Variants in TENM3 observed in about 807,000 individuals in gnomAD.
TENM3 encodes the protein teneurin transmembrane protein 3.
Under a neutral mutation model 255.1 loss-of-function variants are expected in TENM3, and 63 were observed. The observed-to-expected ratio is 0.25, with a 90% CI of 0.20 to 0.30. The LOEUF is 0.30. Ranked by LOEUF, TENM3 falls within the 10% of genes least tolerant of loss-of-function variation. The pLI is 1.00. For missense variants in TENM3, 2,929 were observed against 3,461.1 expected (o/e 0.85, Z 3.86); for synonymous variants, 1,306 against 1,322.3 (o/e 0.99, Z 0.27).
intron 5 of TENM3, among the ~76,000 whole-genome samples, chr4:182,651,508 C>T (rs1753285217): frequency 1.3e-5 from 2 of 151,834 alleles, no homozygotes. Flanking sequence ...CTGGGCAGAA[C>T]GGTGAAACCC....
intron 22 of TENM3, among the ~76,000 whole-genome samples, chr4:182,766,482 C>T (rs541585743): frequency 6.6e-6 from 1 of 152,298 alleles, no homozygotes; most frequent in East Asian, 1.9e-4. Context: ...AATGCCCTGA[C>T]TTGGATGGCT....
the TENM3 span, among the ~76,000 whole-genome samples, chr4:181,887,209 G>C: frequency 6.6e-6 from 1 of 151,568 alleles, no homozygotes; most frequent in Non-Finnish European, 1.5e-5. Flanking sequence ...GTTACTGGTC[G>C]GGTCTTCCCA....
At chr4:181,844,454 G>A in the TENM3 span, among the ~76,000 whole-genome samples, 68 of 152,160 alleles carry the variant, frequency 4.5e-4, 1 homozygote, top group African/African-American at 1.6e-3. Flanking sequence ...GGATCACGAG[G>A]TCAGGAGATC....
the TENM3 span, among the ~76,000 whole-genome samples, chr4:181,721,119 A>G: frequency 1.3e-5 from 2 of 151,862 alleles, no homozygotes; most frequent in Non-Finnish European, 2.9e-5. Flanking sequence ...AAAAAAAAAA[A>G]GGGTCATTCC....
At chr4:181,654,023 G>A in the TENM3 span, among the ~76,000 whole-genome samples, 3 of 151,868 alleles carry the variant, frequency 2.0e-5, no homozygotes, top group East Asian at 5.8e-4. Flanking sequence ...GGCAAACTGA[G>A]TAGCATCTTT....
chr4:182,099,981 C>G, the TENM3 span, among the ~76,000 whole-genome samples: 1 of 152,236 alleles, frequency 6.6e-6, no homozygotes, highest in Admixed American at 6.5e-5. Context: ...TCCCGCAAGA[C>G]TTGATCCACA....
the TENM3 span, among the ~76,000 whole-genome samples, chr4:181,858,936 T>C: frequency 6.6e-6 from 1 of 151,994 alleles, no homozygotes; most frequent in Admixed American, 6.6e-5. Context: ...AGTGACATGA[T>C]GAAAAGGTAT....
At chr4:182,178,977 C>T (rs985678501) in intron 1 of TENM3, among the ~76,000 whole-genome samples, 3 of 152,148 alleles carry the variant, frequency 2.0e-5, no homozygotes, top group Admixed American at 6.5e-5. Context: ...GTGAAATCTG[C>T]TGTTTTCAAC....
the TENM3 span, among the ~76,000 whole-genome samples, chr4:181,664,476 T>TAAAA: frequency 7.1e-6 from 1 of 140,750 alleles, no homozygotes; most frequent in African/African-American, 2.8e-5. Context: ...GTCTAAAAAA[T>TAAAA]AAAAAAAAAC....
intron 11 of TENM3, among the ~76,000 whole-genome samples, chr4:182,685,644 T>A (rs1202198739): frequency 1.3e-5 from 2 of 152,110 alleles, no homozygotes; most frequent in Non-Finnish European, 2.9e-5. Flanking sequence ...TAGAGATAAT[T>A]ACTTCTATAG....
chr4:182,268,898 T>G (rs909002068), intron 1 of TENM3, among the ~76,000 whole-genome samples: 3 of 152,190 alleles, frequency 2.0e-5, no homozygotes, highest in African/African-American at 7.2e-5. Context: ...GTAGCCATTC[T>G]TTTATTCCTT....
intron 22 of TENM3, among the ~76,000 whole-genome samples, chr4:182,762,738 A>G (rs912992645): frequency 6.6e-6 from 1 of 152,170 alleles, no homozygotes; most frequent in Non-Finnish European, 1.5e-5. Context: ...ACCAGTGTGG[A>G]CACTGCACTT....
At chr4:181,581,452 A>G in the TENM3 span, among the ~76,000 whole-genome samples, 2 of 152,068 alleles carry the variant, frequency 1.3e-5, no homozygotes, top group Admixed American at 6.5e-5. Flanking sequence ...AAAACAAAAC[A>G]AAACAAAACA....
At chr4:182,277,592 T>C (rs1760091790) in intron 1 of TENM3, among the ~76,000 whole-genome samples, 1 of 152,188 alleles carries the variant, frequency 6.6e-6, no homozygotes, top group Non-Finnish European at 1.5e-5. Flanking sequence ...AGTAGGGCCC[T>C]TCTGGCTGTG....
intron 1 of TENM3, among the ~76,000 whole-genome samples, chr4:182,245,883 T>C (rs1757607341): frequency 6.6e-6 from 1 of 152,220 alleles, no homozygotes. Flanking sequence ...TTTGTGTTAG[T>C]TAATAAATAT....
chr4:182,595,301 G>A (rs527945974), intron 3 of TENM3, among the ~76,000 whole-genome samples: 1 of 152,042 alleles, frequency 6.6e-6, no homozygotes, highest in South Asian at 2.1e-4. Flanking sequence ...TTGGAACTGG[G>A]GGCCGGTAAG....
At chr4:182,254,734 A>G (rs1758263547) in intron 1 of TENM3, among the ~76,000 whole-genome samples, 1 of 152,080 alleles carries the variant, frequency 6.6e-6, no homozygotes, top group Non-Finnish European at 1.5e-5. Context: ...GAACTTTTGG[A>G]TGGCAGTTAT....
intron 3 of TENM3, among the ~76,000 whole-genome samples, chr4:182,383,285 G>T (rs1164550102): frequency 6.6e-6 from 1 of 152,026 alleles, no homozygotes; most frequent in Non-Finnish European, 1.5e-5. Flanking sequence ...AGATGTGGGG[G>T]TTCTCTCTAA....
intron 12 of TENM3, among the ~76,000 whole-genome samples, chr4:182,695,971 C>A (rs1027123780): frequency 2.6e-5 from 4 of 152,170 alleles, no homozygotes; most frequent in Non-Finnish European, 4.4e-5. Flanking sequence ...TGTGAAATCA[C>A]ATGTGTTACT....
Sources: gnomAD v4.1 joint callset for allele counts (sites outside exome capture counted in the v4.1 genomes callset) on GRCh38, gnomAD v4.1.1 for gene constraint, MANE v1.5 for transcripts, NCBI Gene and HGNC (gene_info 2026-07-23, HGNC 2026-07-21) for gene names.